CIMAP3: variants seen among roughly 807,000 people sequenced by gnomAD.
The protein encoded by CIMAP3 is ciliary microtubule-associated protein 3.
the CIMAP3 span, among the ~76,000 whole-genome samples, chr1:111,341,583 A>C: frequency 6.6e-6 from 1 of 152,066 alleles, no homozygotes; most frequent in Non-Finnish European, 1.5e-5. Flanking sequence ...AAAATGGGGG[A>C]GATAACAATT....
At chr1:111,336,092 G>A in the CIMAP3 span, among the ~76,000 whole-genome samples, 1 of 152,224 alleles carries the variant, frequency 6.6e-6, no homozygotes, top group South Asian at 2.1e-4. Context: ...GGCAAACAGG[G>A]TCTGGAGTGG....
the CIMAP3 span, among the ~76,000 whole-genome samples, chr1:111,342,647 C>G: frequency 6.6e-6 from 1 of 152,182 alleles, no homozygotes; most frequent in Non-Finnish European, 1.5e-5. Flanking sequence ...TTGCCTCTGC[C>G]TGTTTTCAGG....
the CIMAP3 span, chr1:111,351,801 G>T: frequency 6.6e-6 from 1 of 152,490 alleles, no homozygotes; most frequent in Non-Finnish European, 1.5e-5. Flanking sequence ...GGAGTGGGAA[G>T]GTCTTGATTT....
At chr1:111,351,173 TTTTTTTTTTTTTTGCATAAC>T in the CIMAP3 span, 6 of 832,450 alleles carry the variant, frequency 7.2e-6, no homozygotes, top group Non-Finnish European at 1.1e-5. Flanking sequence ...ACAGTTTTTT[TTTTTTTTTTTTTTGCATAAC>T]TGGGAAGACC....
At chr1:111,335,449 T>C in the CIMAP3 span, among the ~76,000 whole-genome samples, 3 of 152,164 alleles carry the variant, frequency 2.0e-5, no homozygotes, top group South Asian at 4.1e-4. Flanking sequence ...TTCATAGTCA[T>C]AGAAAGGGGT....
the CIMAP3 span, among the ~76,000 whole-genome samples, chr1:111,330,374 G>T: frequency 7.9e-3 from 1,202 of 152,264 alleles, 14 homozygotes; most frequent in African/African-American, 0.027. Flanking sequence ...TTCTGGATGT[G>T]TTCACCAGGC....
chr1:111,344,275 A>G, the CIMAP3 span, among the ~76,000 whole-genome samples: 1 of 152,092 alleles, frequency 6.6e-6, no homozygotes, highest in Non-Finnish European at 1.5e-5. Context: ...CAGCTGGTCT[A>G]TTTCTTGTTT....
At chr1:111,351,258 G>T in the CIMAP3 span, 15 of 1,599,654 alleles carry the variant, frequency 9.4e-6, no homozygotes, top group Non-Finnish European at 1.3e-5. Flanking sequence ...TTTCATTGCA[G>T]CTGTCCACAG....
At chr1:111,328,639 A>G in the CIMAP3 span, among the ~76,000 whole-genome samples, 1 of 152,164 alleles carries the variant, frequency 6.6e-6, no homozygotes, top group South Asian at 2.1e-4. Context: ...TGTGAGTTTG[A>G]AATCTGTTTT....
At chr1:111,337,455 C>T in the CIMAP3 span, among the ~76,000 whole-genome samples, 1 of 152,036 alleles carries the variant, frequency 6.6e-6, no homozygotes, top group Non-Finnish European at 1.5e-5. Context: ...GGAAACCCAT[C>T]TCACATGCAG....
chr1:111,346,985 T>G, the CIMAP3 span: 17 of 1,614,012 alleles, frequency 1.1e-5, no homozygotes, highest in East Asian at 3.3e-4. Context: ...CCGAATTTGA[T>G]TGGGAACAAG....
the CIMAP3 span, chr1:111,348,818 T>A: frequency 1.5e-6 from 1 of 670,334 alleles, no homozygotes; most frequent in Non-Finnish European, 2.3e-6. Context: ...TTGTAGAATG[T>A]AGAATCATAG....
the CIMAP3 span, among the ~76,000 whole-genome samples, chr1:111,326,351 C>T: frequency 6.6e-6 from 1 of 152,164 alleles, no homozygotes; most frequent in Non-Finnish European, 1.5e-5. Flanking sequence ...ACTCTCTATT[C>T]TCTACCTTTA....
the CIMAP3 span, among the ~76,000 whole-genome samples, chr1:111,336,279 T>TA: frequency 6.6e-6 from 1 of 152,056 alleles, no homozygotes; most frequent in African/African-American, 2.4e-5. Flanking sequence ...CTGGAAACTC[T>TA]AAAAAACGGA....
At chr1:111,351,407 C>T in the CIMAP3 span, 14 of 1,244,030 alleles carry the variant, frequency 1.1e-5, no homozygotes, top group Non-Finnish European at 1.4e-5. Context: ...TCTTCTTCTA[C>T]GTTACTGTGG....
chr1:111,352,680 T>C, the CIMAP3 span: 1 of 152,216 alleles, frequency 6.6e-6, no homozygotes, highest in Admixed American at 6.5e-5. Flanking sequence ...GGATTAACTG[T>C]TATCACCTCT....
At chr1:111,333,497 C>T in the CIMAP3 span, among the ~76,000 whole-genome samples, 2 of 152,152 alleles carry the variant, frequency 1.3e-5, no homozygotes, top group South Asian at 2.1e-4. Flanking sequence ...TATGTGATTT[C>T]CCAGCACATC....
chr1:111,347,572 C>T, the CIMAP3 span: 2 of 711,342 alleles, frequency 2.8e-6, no homozygotes, highest in East Asian at 5.1e-5. Context: ...ACTAAGCTCA[C>T]TCCATTTCGA....
the CIMAP3 span, chr1:111,324,698 T>A: frequency 1.5e-5 from 15 of 985,184 alleles, no homozygotes; most frequent in Non-Finnish European, 1.6e-5. Context: ...AAAGTCCCCA[T>A]GTGAGAGTGG....
Sources: gnomAD v4.1 joint callset for allele counts (sites outside exome capture counted in the v4.1 genomes callset) on GRCh38, gnomAD v4.1.1 for gene constraint, MANE v1.5 for transcripts, NCBI Gene and HGNC (gene_info 2026-07-23, HGNC 2026-07-21) for gene names.